The following POLG2 variants were observed in gnomAD, a reference collection of about 807,000 sequenced individuals.
The protein encoded by POLG2 is DNA polymerase subunit gamma-2.
POLG2 carries 50 observed loss-of-function variants against 56.5 expected under a neutral mutation model. That is an observed-to-expected ratio of 0.88 (90% CI 0.71 to 1.12). The LOEUF (loss-of-function observed/expected upper bound fraction) is 1.12, where lower values mean the gene tolerates loss of function less well. Among genes scored for constraint, POLG2 ranks in the 50% most tolerant of loss-of-function variants. The pLI is 0.00. For missense variants in POLG2, 584 were observed against 583.3 expected (o/e 1.00, Z -0.01); for synonymous variants, 226 against 222.6 (o/e 1.02, Z -0.14).
intron 4 of POLG2, among the ~76,000 whole-genome samples, chr17:64,486,720 A>T (rs577725540): frequency 1.3e-3 from 198 of 152,318 alleles, no homozygotes; most frequent in African/African-American, 4.7e-3. Flanking sequence ...AAGAGGCCTT[A>T]GGGAAAAAAA....
Position 64,477,848 on chromosome 17 carries a change from T to C in POLG2, c.1433A>G (p.Tyr478Cys), listed in dbSNP as rs782729128. The change falls in exon 8 of 8, where the codon TAT becomes TGT. Residue 478 changes from tyrosine (Y) to cysteine (C), a missense_variant. Transcript: ENST00000539111. ...CTATACATTCTTAGCTGATGATATATACTTAATCAAAAAGTCTTTTAATTT... is the reference window on the plus strand; with the variant it reads ...CTATACATTCTTAGCTGATGATATACACTTAATCAAAAAGTCTTTTAATTT... ...ISKLKDFLIK[Y>C]ISSAKNV 4 of 1,607,270 alleles carry C rather than the reference T, an allele frequency of 2.5e-6. No individual in the cohort carries two copies. Among genetic ancestry groups the C allele is most frequent in the Non-Finnish European group, 3.4e-6 (4 of 1,177,074 alleles).
At chr17:64,493,349 C>T (rs1555668923) in intron 1 of POLG2, among the ~76,000 whole-genome samples, 1 of 151,878 alleles carries the variant, frequency 6.6e-6, no homozygotes, top group African/African-American at 2.4e-5. Flanking sequence ...TCTGGGAGGC[C>T]AAGGTTGCAG....
rs529771230 is a variant in POLG2, at chr17:64,480,242, A to C, written c.1292+47T>G. ...GTTTCTGTAATTCATAAACATAATC[A>C]AAAACTCTTGAATAAATACACTCTT... On this transcript the variant is annotated intron_variant, in intron 7 of 7. Coordinates refer to ENST00000539111, the MANE Select transcript of POLG2 (RefSeq NM_007215.4). The C allele has an allele frequency of 1.6e-5, 12 of 765,718 alleles. No individual in the cohort carries two copies. In the East Asian group the frequency reaches 3.5e-4, roughly 22 times the overall value. 47.4% of individuals were successfully genotyped at this position (765,718 alleles called of 1,614,324 possible).
At chr17:64,485,379 C>A (rs947495835) in intron 5 of POLG2, 6 of 288,052 alleles carry the variant, frequency 2.1e-5, no homozygotes, top group Non-Finnish European at 3.3e-5. Context: ...TAGCACAGGT[C>A]TCCCTGATCC....
chr17:64,491,044 A>C, intron 3 of POLG2, 75 bp from the exon 4 acceptor site: 1 of 1,131,336 alleles, frequency 8.8e-7, no homozygotes, highest in South Asian at 1.3e-5. Context: ...TATCTGTAAG[A>C]ATTTAAATTG....
intron 1 of POLG2, 48 bp from the exon 2 acceptor site, chr17:64,493,069 A>G (rs781823272): frequency 2.5e-6 from 4 of 1,604,964 alleles, no homozygotes; most frequent in Admixed American, 3.3e-5. Context: ...CCACAAACCC[A>G]AATCATTTTT....
chr17:64,495,940 C>T (rs1296583224), intron 1 of POLG2, among the ~76,000 whole-genome samples: 1 of 152,144 alleles, frequency 6.6e-6, no homozygotes, highest in Non-Finnish European at 1.5e-5. Context: ...AACTCCTGAC[C>T]TCAGGTGATC....
intron 5 of POLG2, 85 bp from the exon 6 acceptor site, chr17:64,483,084 C>A: frequency 1.4e-6 from 1 of 705,752 alleles, no homozygotes; most frequent in East Asian, 2.6e-5. Flanking sequence ...TTAAATATAA[C>A]ACAAGTATTA....
At chr17:64,487,150 CA>C (rs1183997004) in intron 4 of POLG2, 3 of 151,746 alleles carry the variant, frequency 2.0e-5, no homozygotes, top group Admixed American at 6.6e-5. Flanking sequence ...CATGATCAAC[CA>C]CAGTCTTCAT....
intron 1 of POLG2, among the ~76,000 whole-genome samples, chr17:64,496,202 ATTGT>A (rs1266391378): frequency 9.2e-5 from 14 of 152,206 alleles, no homozygotes; most frequent in Non-Finnish European, 1.3e-4. Flanking sequence ...CTTCGGACAG[ATTGT>A]TTAAGGAACA....
intron 1 of POLG2, among the ~76,000 whole-genome samples, chr17:64,495,936 T>G (rs1344642089): frequency 6.6e-6 from 1 of 152,176 alleles, no homozygotes; most frequent in Non-Finnish European, 1.5e-5. Flanking sequence ...CTCGAACTCC[T>G]GACCTCAGGT....
intron 4 of POLG2, 106 bp downstream of exon 4, chr17:64,490,690 C>T (rs2038042650): frequency 3.6e-6 from 3 of 831,210 alleles, no homozygotes; most frequent in Middle Eastern, 2.8e-4. Context: ...GAAAAATACA[C>T]AATGAAGTGT....
chr17:64,496,987 A>G lies in POLG2; in HGVS notation c.-19T>C, dbSNP rs1555669690. 1 of 1,596,640 alleles carries G rather than the reference A, an allele frequency of 6.3e-7. No homozygotes were observed. ...AGCGCATCTCTCTCCGAAGTTAAAG[A>G]GCACACTCTCCCATCACTCAACGGA... On this transcript the variant is annotated 5_prime_UTR_variant, in exon 1 of 8. Coordinates refer to ENST00000539111, the MANE Select transcript of POLG2 (RefSeq NM_007215.4).
chr17:64,477,933 TC>T lies in POLG2; in HGVS notation c.1347del (p.Asn450MetfsTer3). The T allele has an allele frequency of 6.2e-7, 1 of 1,614,010 alleles. No individual in the cohort carries two copies. On this transcript the variant is annotated frameshift_variant, in exon 8 of 8. Transcript: ENST00000539111. LOFTEE classifies it high-confidence loss of function. Reference sequence around the variant, plus strand: ...CTGCTTCTCAGATGTATTAATCCATTCTCCAAAGTAGTTTCAGTAACCAAAA... The same window carrying T: ...CTGCTTCTCAGATGTATTAATCCATTTCCAAAGTAGTTTCAGTAACCAAAA... Reference protein sequence around the residue: ...FTVLVTETTLENGLIHLRSRD... With the variant: ...FTVLVTETTLXNGLIHLRSRD...
intron 4 of POLG2, among the ~76,000 whole-genome samples, chr17:64,488,552 A>T (rs1321374395): frequency 1.3e-5 from 2 of 152,186 alleles, no homozygotes; most frequent in Non-Finnish European, 2.9e-5. Flanking sequence ...CAAAAGAAAA[A>T]AAAGAACAAA....
At chr17:64,483,208 T>C (rs2037892342) in intron 5 of POLG2, among the ~76,000 whole-genome samples, 1 of 152,160 alleles carries the variant, frequency 6.6e-6, no homozygotes, top group Non-Finnish European at 1.5e-5. Flanking sequence ...TCCACTTAGA[T>C]GTTTGGCAGA....
intron 4 of POLG2, among the ~76,000 whole-genome samples, chr17:64,486,442 A>G (rs1323780087): frequency 6.6e-6 from 1 of 151,672 alleles, no homozygotes. Context: ...CTCATTGCCA[A>G]CCTCTGCCAC....
Position 64,483,621 on chromosome 17 carries a change from G to A in POLG2, c.1111-622C>T, listed in dbSNP as rs149135111. On this transcript the variant is annotated intron_variant, in intron 5 of 7. Transcript: ENST00000539111. ...TTTGGACCCTACCAGCCTGGGCCAC[G>A]TGGCTTACCATTTCAACTTTCTCTC... 5.7e-4 allele frequency among the ~76,000 whole-genome samples: 86 copies of A among 151,666 alleles called. 1 individual carries two copies. In the East Asian group the frequency reaches 0.01, roughly 18 times the overall value.
At position 64,480,320 on chromosome 17, in the gene POLG2, T is replaced by G; in HGVS notation, c.1261A>C (p.Met421Leu). The G allele has an allele frequency of 6.3e-7, 1 of 1,591,240 alleles. No homozygotes were observed. The highest frequency in any genetic ancestry group is 8.6e-7 in the Non-Finnish European group (1 of 1,160,368). ...ISVWPGYLET[M>L]QSSLEQLYSK... Reference sequence around the variant, plus strand: ...TAAAGTTGTTCCAATGAGGACTGCATAGTTTCCAAATAACCAGGCCACACA... The same window carrying G: ...TAAAGTTGTTCCAATGAGGACTGCAGAGTTTCCAAATAACCAGGCCACACA... Residue 421 changes from methionine (M) to leucine (L), a missense_variant, in exon 7 of 8, where the codon ATG (methionine) becomes CTG (leucine). Physicochemically the swap from Met to Leu is conservative, Grantham distance 15. Transcript: ENST00000539111.
Sources: allele counts gnomAD v4.1 joint callset (sites outside exome capture counted in the v4.1 genomes callset), GRCh38; gene constraint gnomAD v4.1.1; transcripts MANE v1.5; gene names NCBI Gene and HGNC (gene_info 2026-07-23, HGNC 2026-07-21).